Variants in HGF observed in about 807,000 individuals in gnomAD.
HGF encodes hepatocyte growth factor.
A neutral mutation model predicts 111.6 loss-of-function variants in HGF; 39 were observed. The observed-to-expected ratio is 0.35, with a 90% CI of 0.27 to 0.46. HGF has a LOEUF of 0.46. Among genes scored for constraint, HGF ranks in the 20% least tolerant of loss-of-function variants. The pLI, the probability that HGF is intolerant of heterozygous loss-of-function variation, is 1.00. For missense variants in HGF, 735 were observed against 910.5 expected (o/e 0.81, Z 2.48); for synonymous variants, 285 against 294.8 (o/e 0.97, Z 0.34).
chr7:81,736,447 T>C (rs887127326), intron 7 of HGF, among the ~76,000 whole-genome samples: 1 of 152,114 alleles, frequency 6.6e-6, no homozygotes, highest in Non-Finnish European at 1.5e-5. Flanking sequence ...AAAATAGTGA[T>C]GCTGGCATAT....
intron 7 of HGF, among the ~76,000 whole-genome samples, chr7:81,730,279 T>C (rs917995708): frequency 6.6e-6 from 1 of 151,984 alleles, no homozygotes; most frequent in Non-Finnish European, 1.5e-5. Flanking sequence ...TGAAACCCCA[T>C]CTCTACTAAA....
intron 6 of HGF, among the ~76,000 whole-genome samples, chr7:81,744,617 G>T (rs976864122): frequency 3.3e-5 from 5 of 152,134 alleles, no homozygotes; most frequent in African/African-American, 1.2e-4. Context: ...GGTCATTACT[G>T]AATTGGTCCT....
chr7:81,733,686 G>A (rs909184763), intron 7 of HGF, among the ~76,000 whole-genome samples: 12 of 151,930 alleles, frequency 7.9e-5, no homozygotes, highest in Admixed American at 2.6e-4. Context: ...ATATTAGTAC[G>A]ACAAGGTAAC....
intron 1 of HGF, among the ~76,000 whole-genome samples, chr7:81,768,141 G>A (rs894264532): frequency 3.9e-5 from 6 of 152,154 alleles, no homozygotes; most frequent in African/African-American, 1.4e-4. Flanking sequence ...ACAAATGTAT[G>A]TCTCCTGCCA....
In HGF at chr7:81,745,067, C is replaced by T. The variant is rs1180926109; in HGVS notation, c.679G>A (p.Glu227Lys). ...ESYRGLMDHT[E>K]SGKICQRWDH... Reference sequence around the variant, plus strand: ...CAGCGCTGACAAATCTTGCCTGATTCTGTATGATCCATGAGACCTCGATAA... The same window carrying T: ...CAGCGCTGACAAATCTTGCCTGATTTTGTATGATCCATGAGACCTCGATAA... The change falls in exon 6 of 18, where the codon GAA (glutamate) becomes AAA (lysine). Residue 227 changes from glutamate (E) to lysine (K), a missense_variant. Coordinates refer to ENST00000222390, the MANE Select transcript of HGF (RefSeq NM_000601.6). The T allele has an allele frequency of 6.2e-7, 1 of 1,613,846 alleles. No homozygotes were observed. Among genetic ancestry groups the T allele is most frequent in the East Asian group, 2.2e-5 (1 of 44,856 alleles).
At chr7:81,754,778 C>A (rs1009874788) in intron 4 of HGF, among the ~76,000 whole-genome samples, 2 of 151,920 alleles carry the variant, frequency 1.3e-5, no homozygotes, top group Non-Finnish European at 2.9e-5. Context: ...TTTAGCACCC[C>A]ATATTTGACC....
At chr7:81,704,421 T>C (rs1217652745) in intron 17 of HGF, among the ~76,000 whole-genome samples, 1 of 151,662 alleles carries the variant, frequency 6.6e-6, no homozygotes. Context: ...CTAGTAAATG[T>C]TCCCTTGTTA....
intron 17 of HGF, among the ~76,000 whole-genome samples, chr7:81,704,459 A>G (rs1789369759): frequency 1.3e-5 from 2 of 151,686 alleles, no homozygotes; most frequent in Non-Finnish European, 1.5e-5. Flanking sequence ...ATTGTTCATG[A>G]TTTACTAGAA....
chr7:81,713,731 T>G (rs1401241669), intron 11 of HGF, among the ~76,000 whole-genome samples: 1 of 152,142 alleles, frequency 6.6e-6, no homozygotes, highest in South Asian at 2.1e-4. Flanking sequence ...TAGGTTCTTC[T>G]GTTGCATGCC....
intron 8 of HGF, among the ~76,000 whole-genome samples, chr7:81,729,375 C>A (rs146558008): frequency 6.6e-6 from 1 of 152,098 alleles, no homozygotes; most frequent in Admixed American, 6.5e-5. Flanking sequence ...TGAATCTACC[C>A]TCTGGATCTG....
In HGF at chr7:81,752,245, T is replaced by C. The variant is rs762140462; in HGVS notation, c.500A>G (p.Tyr167Cys). ...GTTTTCCTGTAGGTCTTTACCCCGA[T>C]AGCTCGAAGGCAAAAAGCTAGTTTT... ...PHEHSFLPSS[Y>C]RGKDLQENYC... Residue 167 changes from tyrosine to cysteine, a missense_variant, in exon 5 of 18, where the codon TAT becomes TGT. By Grantham distance (194) the Tyr-to-Cys change is radical. Transcript: ENST00000222390. The C allele has an allele frequency of 2.5e-6, 4 of 1,613,496 alleles. No homozygotes were observed. Among genetic ancestry groups the C allele is most frequent in the East Asian group, 2.2e-5 (1 of 44,868 alleles).
At chr7:81,717,174 G>C (rs1434949637) in intron 11 of HGF, 58 bp downstream of exon 11, 2 of 1,538,384 alleles carry the variant, frequency 1.3e-6, no homozygotes, top group Admixed American at 3.3e-5. Context: ...ACAACTTTTA[G>C]ATGAAATGTA....
At chr7:81,725,775 C>T in intron 9 of HGF, 115 bp downstream of exon 9, 1 of 1,206,470 alleles carries the variant, frequency 8.3e-7, no homozygotes, top group Non-Finnish European at 1.2e-6. Context: ...ATTTTGTTTG[C>T]AAGCCAGCAA....
chr7:81,751,188 T>A, intron 5 of HGF: 1 of 902,746 alleles, frequency 1.1e-6, no homozygotes, highest in South Asian at 5.1e-5. Flanking sequence ...AACAAACAGG[T>A]AAGATATCTT....
chr7:81,714,597 T>C lies in HGF; in HGVS notation c.1405+2635A>G, dbSNP rs10258365. On this transcript the variant is annotated intron_variant, in intron 11 of 17. Coordinates refer to ENST00000222390, the MANE Select transcript of HGF (RefSeq NM_000601.6). ...TAGTTAAGATTTTTCTAAAATAGTA[T>C]ACTAACTGTGTCTGTGTATACTCAA... is the stretch of plus-strand genomic sequence containing the variant. Among the ~76,000 whole-genome samples the C allele has an allele frequency of 6.4e-3, 977 of 152,290 alleles. 12 individuals are homozygous for C. The highest frequency in any genetic ancestry group is 0.021 in the African/African-American group (884 of 41,568).
chr7:81,731,391 G>A (rs1023274653), intron 7 of HGF, among the ~76,000 whole-genome samples: 1 of 152,082 alleles, frequency 6.6e-6, no homozygotes, highest in Non-Finnish European at 1.5e-5. Flanking sequence ...TTCAGTAATT[G>A]ACCCATAAAG....
chr7:81,728,856 G>C (rs1213267963), intron 8 of HGF, among the ~76,000 whole-genome samples: 1 of 152,166 alleles, frequency 6.6e-6, no homozygotes, highest in South Asian at 2.1e-4. Context: ...TTTCAGAAAA[G>C]CCACTATGAA....
chr7:81,759,201 G>GTAT (rs1177637281), intron 2 of HGF, among the ~76,000 whole-genome samples: 1 of 152,086 alleles, frequency 6.6e-6, no homozygotes, highest in Non-Finnish European at 1.5e-5. Context: ...GTACAAAATG[G>GTAT]TATTATATTT....
Position 81,705,690 on chromosome 7 carries a change from A to C in HGF, c.1821T>G (p.Pro607=). The C allele has an allele frequency of 1.2e-6, 2 of 1,612,774 alleles. No homozygotes were observed. Among genetic ancestry groups the C allele is most frequent in the Non-Finnish European group, 1.7e-6 (2 of 1,179,074 alleles). Residue 607 remains proline (P), a synonymous_variant, in exon 16 of 18, where the codon CCT becomes CCG. Transcript: ENST00000222390. ...IDLPNYGCTI[P]EKTSCSVYGW... ...CATAAACACTGCAACTGGTCTTTTC[A>C]GGAATTGTGCATCCATAATTAGGTA...
Sources: gnomAD v4.1 joint callset for allele counts (sites outside exome capture counted in the v4.1 genomes callset) on GRCh38, gnomAD v4.1.1 for gene constraint, MANE v1.5 for transcripts, NCBI Gene and HGNC (gene_info 2026-07-23, HGNC 2026-07-21) for gene names.